Variants in FAM184B observed in about 807,000 individuals in gnomAD.
FAM184B encodes the protein protein FAM184B.
FAM184B carries 111 observed loss-of-function variants against 135.9 expected under a neutral mutation model. The observed-to-expected ratio is 0.82, with a 90% CI of 0.70 to 0.96. The LOEUF (loss-of-function observed/expected upper bound fraction) is 0.96, where lower values mean the gene tolerates loss of function less well. FAM184B is among the 40% of genes least tolerant of loss of function. The pLI, the probability that FAM184B is intolerant of heterozygous loss-of-function variation, is 0.00. For missense variants in FAM184B, 1,375 were observed against 1,323.9 expected (o/e 1.04, Z -0.60); for synonymous variants, 552 against 524.8 (o/e 1.05, Z -0.71).
chr4:17,742,164 A>ATTT (rs1718060833), intron 1 of FAM184B, among the ~76,000 whole-genome samples: 1 of 9,072 alleles, frequency 1.1e-4, no homozygotes, highest in Admixed American at 1.3e-3. Flanking sequence ...ATATATATAT[A>ATTT]TATATTTTTT....
chr4:17,737,581 A>G (rs1717940760), intron 1 of FAM184B, among the ~76,000 whole-genome samples: 1 of 152,210 alleles, frequency 6.6e-6, no homozygotes, highest in South Asian at 2.1e-4. Flanking sequence ...GCAAGATATC[A>G]CCAGGATCAC....
At chr4:17,657,319 C>A (rs1434618957) in intron 10 of FAM184B, among the ~76,000 whole-genome samples, 1 of 152,234 alleles carries the variant, frequency 6.6e-6, no homozygotes, top group African/African-American at 2.4e-5. Flanking sequence ...CCAGAGCCCT[C>A]AGTTCCTTGC....
At chr4:17,728,414 C>T (rs1191196702) in intron 1 of FAM184B, among the ~76,000 whole-genome samples, 1 of 152,164 alleles carries the variant, frequency 6.6e-6, no homozygotes, top group African/African-American at 2.4e-5. Context: ...TGAAAATTAA[C>T]ATGCCTCAGA....
At chr4:17,680,407 G>A (rs4235388) in intron 7 of FAM184B, among the ~76,000 whole-genome samples, 83,299 of 151,908 alleles carry the variant, frequency 0.55, 24,411 homozygotes, top group East Asian at 0.83. Flanking sequence ...CAATGATAAT[G>A]ATGATATAAC....
At chr4:17,636,292 G>C (rs541379985) in intron 15 of FAM184B, among the ~76,000 whole-genome samples, 2 of 152,140 alleles carry the variant, frequency 1.3e-5, no homozygotes, top group African/African-American at 4.8e-5. Flanking sequence ...TTTTAGTAGA[G>C]ACAGGGTTTC....
Position 17,709,055 on chromosome 4 carries a change from A to G in FAM184B, c.731T>C (p.Leu244Pro). Reference protein sequence around the residue: ...QAMQQSVSQALWQWQEKESDL... With the variant: ...QAMQQSVSQAPWQWQEKESDL... ...CGACTCCTTCTCCTGCCACTGCCACAGGGCCTGGCTCACCGACTGCTGCAT... is the reference window on the plus strand; with the variant it reads ...CGACTCCTTCTCCTGCCACTGCCACGGGGCCTGGCTCACCGACTGCTGCAT... Residue 244 changes from leucine (L) to proline (P), a missense_variant, in exon 2 of 18, where the codon CTG becomes CCG. By Grantham distance (98) the Leu-to-Pro change is moderately conservative. Transcript: ENST00000265018. 1 of 1,550,362 alleles carries G rather than the reference A, an allele frequency of 6.5e-7. No homozygotes were observed. Among genetic ancestry groups the G allele is most frequent in the Non-Finnish European group, 8.7e-7 (1 of 1,146,950 alleles).
intron 7 of FAM184B, among the ~76,000 whole-genome samples, chr4:17,687,907 A>G (rs1260751405): frequency 6.6e-6 from 1 of 152,168 alleles, no homozygotes; most frequent in African/African-American, 2.4e-5. Flanking sequence ...GTCATTCGTT[A>G]TGGTGATCCT....
At chr4:17,647,842 C>A in intron 11 of FAM184B, 51 bp from the exon 12 acceptor site, 1 of 1,513,930 alleles carries the variant, frequency 6.6e-7, no homozygotes, top group South Asian at 1.2e-5. Context: ...AGGCTGAAGC[C>A]TGTGTCATGG....
In FAM184B at chr4:17,632,043, ATTTT is replaced by A. The variant is rs199549580; in HGVS notation, c.*485_*488del. 187 of 117,214 alleles carry A rather than the reference ATTTT, an allele frequency of 1.6e-3. No individual in the cohort carries two copies. Among genetic ancestry groups the A allele is most frequent in the Middle Eastern group, 4.8e-3 (1 of 210 alleles). The allele number at this position is 117,214 out of a possible 1,614,324, so 7.3% of individuals were successfully genotyped here. The stretch of plus-strand genomic sequence containing the variant: ...TTTTAATAACACTGGTTTAATGTCA[ATTTT>A]TTTTTTTTTTTTTTTTTTTTTTTTT... On this transcript the variant is annotated 3_prime_UTR_variant, in exon 18 of 18. Transcript: ENST00000265018.
intron 2 of FAM184B, among the ~76,000 whole-genome samples, chr4:17,708,074 A>T (rs1288436435): frequency 2.0e-5 from 3 of 152,136 alleles, no homozygotes; most frequent in African/African-American, 7.2e-5. Context: ...GGGCTCACAT[A>T]ACTGAATCAT....
At chr4:17,638,823 C>T (rs1385059063) in intron 14 of FAM184B, among the ~76,000 whole-genome samples, 6 of 152,074 alleles carry the variant, frequency 3.9e-5, no homozygotes, top group Non-Finnish European at 8.8e-5. Context: ...CTGATGAGCC[C>T]CTGGCTAGTT....
chr4:17,709,856 GC>G (rs1410118437), intron 1 of FAM184B, among the ~76,000 whole-genome samples: 1 of 152,218 alleles, frequency 6.6e-6, no homozygotes, highest in Admixed American at 6.5e-5. Context: ...TGGATTGGGA[GC>G]AAAGGGGTGA....
At chr4:17,681,275 T>C (rs1395798128) in intron 7 of FAM184B, among the ~76,000 whole-genome samples, 1 of 152,218 alleles carries the variant, frequency 6.6e-6, no homozygotes. Flanking sequence ...TTTGCCATTA[T>C]GAGTAATGAA....
chr4:17,771,894 C>T (rs1448215179), intron 1 of FAM184B, among the ~76,000 whole-genome samples: 1 of 152,226 alleles, frequency 6.6e-6, no homozygotes, highest in Non-Finnish European at 1.5e-5. Context: ...TGACTTTTCA[C>T]ATACATCCCT....
At chr4:17,653,036 G>C (rs1715670201) in intron 10 of FAM184B, 53 bp from the exon 11 acceptor site, 2 of 1,516,982 alleles carry the variant, frequency 1.3e-6, no homozygotes, top group African/African-American at 1.4e-5. Flanking sequence ...GAGGGTGGGA[G>C]ACCTGACTCC....
chr4:17,713,941 G>A (rs1033898046), intron 1 of FAM184B, among the ~76,000 whole-genome samples: 3 of 152,136 alleles, frequency 2.0e-5, no homozygotes, highest in East Asian at 3.9e-4. Flanking sequence ...GAGAGGATTT[G>A]TCACCAGTTA....
At chr4:17,734,715 A>G (rs1237132382) in intron 1 of FAM184B, among the ~76,000 whole-genome samples, 2 of 149,314 alleles carry the variant, frequency 1.3e-5, no homozygotes, top group African/African-American at 4.9e-5. Context: ...AAATAGGAAC[A>G]CTTTTACACT....
intron 1 of FAM184B, among the ~76,000 whole-genome samples, chr4:17,762,385 T>A (rs1577293405): frequency 6.6e-6 from 1 of 152,216 alleles, no homozygotes; most frequent in Non-Finnish European, 1.5e-5. Context: ...TTAACAGTGG[T>A]CGAGCTGATC....
At chr4:17,640,918 G>C (rs552598129) in intron 13 of FAM184B, among the ~76,000 whole-genome samples, 1 of 152,200 alleles carries the variant, frequency 6.6e-6, no homozygotes, top group African/African-American at 2.4e-5. Context: ...AGCCCTGACA[G>C]GCCAGGTTTT....
Sources: gnomAD v4.1 joint callset for allele counts (sites outside exome capture counted in the v4.1 genomes callset) on GRCh38, gnomAD v4.1.1 for gene constraint, MANE v1.5 for transcripts, NCBI Gene and HGNC (gene_info 2026-07-23, HGNC 2026-07-21) for gene names.